The following GABRG3 variants were observed in gnomAD, a reference collection of about 807,000 sequenced individuals.
The protein encoded by GABRG3 is gamma-aminobutyric acid type A receptor subunit gamma3.
GABRG3 carries 25 observed loss-of-function variants against 48.8 expected under a neutral mutation model. That is an observed-to-expected ratio of 0.51 (90% confidence interval 0.37 to 0.72). GABRG3 has a LOEUF of 0.72. Ranked by LOEUF, GABRG3 falls within the 30% of genes least tolerant of loss-of-function variation. The pLI, the probability that GABRG3 is intolerant of heterozygous loss-of-function variation, is 0.00. For synonymous variants in GABRG3, 227 were observed against 217.6 expected (o/e 1.04, Z -0.38); for missense variants, 394 against 577.9 (o/e 0.68, Z 3.26).
chr15:27,333,278 C>A (rs1893859712), intron 5 of GABRG3, among the ~76,000 whole-genome samples: 1 of 152,178 alleles, frequency 6.6e-6, no homozygotes. Flanking sequence ...TAATATCTTA[C>A]ATTTCTGTAG....
intron 3 of GABRG3, among the ~76,000 whole-genome samples, chr15:27,099,761 A>G (rs1390356903): frequency 1.3e-5 from 2 of 151,952 alleles, no homozygotes; most frequent in African/African-American, 2.4e-5. Context: ...AAGATAAGAG[A>G]AGTAGAAGAA....
At chr15:27,437,157 T>C (rs769276835) in intron 5 of GABRG3, among the ~76,000 whole-genome samples, 1 of 151,922 alleles carries the variant, frequency 6.6e-6, no homozygotes, top group Non-Finnish European at 1.5e-5. Context: ...ACACACATGC[T>C]AACCTGTTAA....
chr15:27,212,829 T>C (rs543582570), intron 3 of GABRG3, among the ~76,000 whole-genome samples: 3 of 152,346 alleles, frequency 2.0e-5, no homozygotes, highest in South Asian at 2.1e-4. Flanking sequence ...TGGAGTCTTA[T>C]GGTATTTGTC....
chr15:27,108,851 TG>T (rs1165442662), intron 3 of GABRG3, among the ~76,000 whole-genome samples: 2 of 152,184 alleles, frequency 1.3e-5, no homozygotes, highest in Non-Finnish European at 2.9e-5. Flanking sequence ...TAATTTTTTT[TG>T]TTCTGAAACC....
chr15:27,434,682 G>A (rs926120223), intron 5 of GABRG3, among the ~76,000 whole-genome samples: 24 of 152,076 alleles, frequency 1.6e-4, no homozygotes, highest in African/African-American at 3.9e-4. Context: ...CATCAGAGCC[G>A]GTGCCACTGG....
intron 3 of GABRG3, among the ~76,000 whole-genome samples, chr15:27,132,471 GTT>G (rs59023766): frequency 0.014 from 552 of 39,550 alleles, 78 homozygotes; most frequent in African/African-American, 0.042. Flanking sequence ...AGTAGTTACA[GTT>G]TTTTTTTTTT....
intron 3 of GABRG3, among the ~76,000 whole-genome samples, chr15:27,157,430 T>C (rs1898460879): frequency 6.6e-6 from 1 of 152,198 alleles, no homozygotes. Flanking sequence ...GGATTAAAAA[T>C]AATAGACTTG....
intron 2 of GABRG3, among the ~76,000 whole-genome samples, chr15:27,008,412 C>G (rs560072019): frequency 2.4e-4 from 37 of 152,144 alleles, no homozygotes; most frequent in Admixed American, 7.9e-4. Flanking sequence ...GTGCACATGC[C>G]CTTAATTTTC....
At chr15:27,131,520 T>G (rs1897916327) in intron 3 of GABRG3, among the ~76,000 whole-genome samples, 1 of 152,066 alleles carries the variant, frequency 6.6e-6, no homozygotes. Flanking sequence ...CTTTGTTTGG[T>G]GTTGGTGTCA....
chr15:27,215,898 T>C (rs561733845), intron 3 of GABRG3, among the ~76,000 whole-genome samples: 1 of 152,358 alleles, frequency 6.6e-6, no homozygotes, highest in Non-Finnish European at 1.5e-5. Context: ...TTGTTACCTA[T>C]AATTAGGTGT....
At chr15:27,209,928 C>G (rs566469177) in intron 3 of GABRG3, among the ~76,000 whole-genome samples, 1 of 152,132 alleles carries the variant, frequency 6.6e-6, no homozygotes, top group Non-Finnish European at 1.5e-5. Context: ...CCCTGGTGTC[C>G]GTCTGTGTGT....
rs188668076 is a variant in GABRG3, at chr15:27,278,212, C to G, written c.271-48597C>G. 3.3e-5 allele frequency among the ~76,000 whole-genome samples: 5 copies of G among 152,106 alleles called. No homozygotes were observed. In the East Asian group the frequency reaches 9.7e-4, roughly 29 times the overall value. ...GACTACAGGCATGCACCACCATGCCCGGCTAATTTTTGTATTTTTAGTAGA... is the reference window on the plus strand; with the variant it reads ...GACTACAGGCATGCACCACCATGCCGGGCTAATTTTTGTATTTTTAGTAGA... On this transcript the variant is annotated intron_variant, in intron 3 of 9. Coordinates refer to ENST00000615808, the MANE Select transcript of GABRG3 (RefSeq NM_033223.5).
At chr15:27,019,580 T>C (rs1260537869) in intron 2 of GABRG3, among the ~76,000 whole-genome samples, 1 of 152,220 alleles carries the variant, frequency 6.6e-6, no homozygotes, top group East Asian at 1.9e-4. Flanking sequence ...ATAAATCTTA[T>C]CATCCTTCAT....
intron 3 of GABRG3, among the ~76,000 whole-genome samples, chr15:27,172,760 C>T (rs968855100): frequency 1.3e-5 from 2 of 152,136 alleles, no homozygotes; most frequent in Non-Finnish European, 2.9e-5. Context: ...ACTGCAGACC[C>T]GGTTACCCAG....
intron 3 of GABRG3, among the ~76,000 whole-genome samples, chr15:27,117,824 C>T (rs902970699): frequency 6.6e-6 from 1 of 152,138 alleles, no homozygotes; most frequent in Non-Finnish European, 1.5e-5. Flanking sequence ...TTTCTAAGCC[C>T]AGTGAATGTG....
chr15:27,053,976 G>T (rs1332323524), intron 3 of GABRG3, among the ~76,000 whole-genome samples: 1 of 152,190 alleles, frequency 6.6e-6, no homozygotes, highest in Admixed American at 6.5e-5. Flanking sequence ...CAAAAGGAGG[G>T]AGGGGCCGGG....
chr15:27,432,617 G>C (rs939192335), intron 5 of GABRG3, among the ~76,000 whole-genome samples: 1 of 152,070 alleles, frequency 6.6e-6, no homozygotes, highest in Non-Finnish European at 1.5e-5. Context: ...CACAGTCTCA[G>C]GTTTTTCCAG....
chr15:27,358,973 A>ACC (rs1450681573), intron 5 of GABRG3, among the ~76,000 whole-genome samples: 1 of 152,114 alleles, frequency 6.6e-6, no homozygotes, highest in East Asian at 1.9e-4. Context: ...CCTGGGGAGG[A>ACC]CCCGGCGGGG....
At chr15:27,139,125 C>T (rs1348845251) in intron 3 of GABRG3, among the ~76,000 whole-genome samples, 1 of 152,044 alleles carries the variant, frequency 6.6e-6, no homozygotes, top group Non-Finnish European at 1.5e-5. Flanking sequence ...CTGAAAAGTC[C>T]CATGATGAGC....
Sources: gnomAD v4.1 joint callset for allele counts (sites outside exome capture counted in the v4.1 genomes callset) on GRCh38, gnomAD v4.1.1 for gene constraint, MANE v1.5 for transcripts, NCBI Gene and HGNC (gene_info 2026-07-23, HGNC 2026-07-21) for gene names.